The following COL11A1 variants were observed in gnomAD, a reference collection of about 807,000 sequenced individuals.
The protein encoded by COL11A1 is collagen alpha-1(XI) chain.
COL11A1 carries 74 observed loss-of-function variants against 265.2 expected under a neutral mutation model. That is an observed-to-expected ratio of 0.28 (90% CI 0.23 to 0.34). The LOEUF (loss-of-function observed/expected upper bound fraction) is 0.34, where lower values mean the gene tolerates loss of function less well. Among genes scored for constraint, COL11A1 ranks in the 10% least tolerant of loss-of-function variants. The probability of loss-of-function intolerance (pLI) is 1.00; values close to 1 mark genes in which losing one functional copy is unlikely to be tolerated. For synonymous variants in COL11A1, 816 were observed against 727.6 expected (o/e 1.12, Z -1.96); for missense variants, 2,165 against 2,263.6 (o/e 0.96, Z 0.88).
Position 102,877,180 on chromosome 1 carries a change from A to G in COL11A1, c.*839T>C, listed in dbSNP as rs1396227168. On this transcript the variant is annotated 3_prime_UTR_variant, in exon 67 of 67. Transcript: ENST00000370096. ...TTTGTTAATATACTTTCTTACACAC[A>G]TTTCCCTGTCCAAAAATATAAACTT... 1.3e-5 allele frequency: 2 copies of G among 152,556 alleles called. No homozygotes were observed. Among genetic ancestry groups the G allele is most frequent in the Non-Finnish European group, 2.9e-5 (2 of 68,010 alleles). 9.5% of individuals were successfully genotyped at this position (152,556 alleles called of 1,614,324 possible).
At chr1:103,088,373 T>C (rs891069499) in intron 1 of COL11A1, among the ~76,000 whole-genome samples, 1 of 152,074 alleles carries the variant, frequency 6.6e-6, no homozygotes, top group Admixed American at 6.5e-5. Context: ...ACTAAATTGG[T>C]TTTTGTAACA....
chr1:102,941,758 T>TA (rs1658746560), intron 42 of COL11A1, among the ~76,000 whole-genome samples: 1 of 152,176 alleles, frequency 6.6e-6, no homozygotes, highest in Non-Finnish European at 1.5e-5. Context: ...CATACACTAT[T>TA]ACATTCCATT....
chr1:102,914,264 G>A lies in COL11A1; in HGVS notation c.3978+88C>T, dbSNP rs546993328. The stretch of plus-strand genomic sequence containing the variant: ...TTTCTGTTTTTGGGAGTTCACTTAG[G>A]TTATTAGATTTTTTTTTCTTTATTA... On this transcript the variant is annotated intron_variant, in intron 52 of 66. Coordinates refer to ENST00000370096, the MANE Select transcript of COL11A1 (RefSeq NM_001854.4). 3.4e-4 allele frequency: 351 copies of A among 1,026,330 alleles called. 1 individual carries two copies. The highest frequency in any genetic ancestry group is 4.7e-4 in the Non-Finnish European group (318 of 675,966). The allele number at this position is 1,026,330 out of a possible 1,614,324, so 63.6% of individuals were successfully genotyped here. A position where few individuals can be genotyped will look rare whatever the true frequency, so the allele number is the denominator to read the frequency against.
At chr1:102,931,576 T>G (rs1214260042) in intron 46 of COL11A1, among the ~76,000 whole-genome samples, 1 of 152,176 alleles carries the variant, frequency 6.6e-6, no homozygotes, top group East Asian at 1.9e-4. Context: ...TCTGTTGATT[T>G]GGGGTAGAGA....
chr1:102,918,017 G>A (rs963709659), intron 49 of COL11A1, among the ~76,000 whole-genome samples: 1 of 151,064 alleles, frequency 6.6e-6, no homozygotes, highest in African/African-American at 2.4e-5. Flanking sequence ...AAGAAAGGTG[G>A]GACAAAATCA....
intron 4 of COL11A1, among the ~76,000 whole-genome samples, chr1:103,058,316 T>G (rs12122632): frequency 0.15 from 22,145 of 152,208 alleles, 1,737 homozygotes; most frequent in Middle Eastern, 0.16. Context: ...AGCTGCGGCA[T>G]AAGAGAATGT....
rs550182858 is a variant in COL11A1 at position 103,077,444 on chromosome 1, T to A, written c.488+1214A>T. 2.0e-4 allele frequency among the ~76,000 whole-genome samples: 30 copies of A among 152,198 alleles called. No individual in the cohort carries two copies. In the South Asian group the frequency reaches 6.2e-3, roughly 32 times the overall value. On this transcript the variant is annotated intron_variant, in intron 3 of 66. Transcript: ENST00000370096. ...TAGATTAAAACCTTAGCATGGAGTTTGCTAACAGTCAAAAAAAGAAACACA... is the reference window on the plus strand; with the variant it reads ...TAGATTAAAACCTTAGCATGGAGTTAGCTAACAGTCAAAAAAAGAAACACA...
chr1:103,098,665 G>A (rs1186068757), intron 1 of COL11A1, among the ~76,000 whole-genome samples: 1 of 151,806 alleles, frequency 6.6e-6, no homozygotes, highest in Non-Finnish European at 1.5e-5. Context: ...TGTATTTCCT[G>A]CTTTCATTAT....
intron 15 of COL11A1, among the ~76,000 whole-genome samples, chr1:103,006,628 C>G (rs1305830947): frequency 6.9e-6 from 1 of 145,222 alleles, no homozygotes; most frequent in Non-Finnish European, 1.5e-5. Flanking sequence ...AGCTCTGCCT[C>G]CCAGGTTCAC....
chr1:102,992,044 A>G (rs1231029424), intron 28 of COL11A1, among the ~76,000 whole-genome samples: 3 of 152,086 alleles, frequency 2.0e-5, no homozygotes, highest in Admixed American at 6.6e-5. Flanking sequence ...ACTGCACTCT[A>G]TGTCTAAAAA....
At chr1:102,889,042 A>T in intron 59 of COL11A1, 123 bp from the exon 60 acceptor site, 1 of 881,846 alleles carries the variant, frequency 1.1e-6, no homozygotes, top group Non-Finnish European at 1.9e-6. Context: ...AAAAATATTT[A>T]TGAATGGCTT....
rs61159892 is a variant in COL11A1, at chr1:102,943,482, C to CACACACAA, written c.3277-3049_3277-3048insTTGTGTGT. 2.3e-3 allele frequency among the ~76,000 whole-genome samples: 273 copies of CACACACAA among 120,978 alleles called. 1 individual carries two copies. The highest frequency in any genetic ancestry group is 6.4e-3 in the African/African-American group (191 of 29,846). The allele number at this position is 120,978 out of a possible 152,430, so 79.4% of individuals were successfully genotyped here. Reference sequence around the variant, plus strand: ...ACACACACACACACACACACACACACACAAACAACCTCATGGACTATTTTT... The same window carrying CACACACAA: ...ACACACACACACACACACACACACACACACACAAACAAACAACCTCATGGACTATTTTT... On this transcript the variant is annotated intron_variant, in intron 42 of 66. Transcript: ENST00000370096.
intron 48 of COL11A1, 137 bp from the exon 49 acceptor site, chr1:102,920,501 G>A (rs1655865014): frequency 1.4e-6 from 1 of 720,884 alleles, no homozygotes. Context: ...GAGACTAAAT[G>A]ATGCTTAATA....
intron 1 of COL11A1, among the ~76,000 whole-genome samples, chr1:103,088,914 T>C (rs1673087876): frequency 6.6e-6 from 1 of 152,096 alleles, no homozygotes; most frequent in African/African-American, 2.4e-5. Context: ...AAAAATCATA[T>C]CTTCATCATG....
intron 54 of COL11A1, among the ~76,000 whole-genome samples, chr1:102,899,347 A>G (rs1339207389): frequency 6.6e-6 from 1 of 152,132 alleles, no homozygotes; most frequent in Non-Finnish European, 1.5e-5. Context: ...AATTTAATAT[A>G]TCTACTTGTA....
At chr1:102,898,470 C>T (rs1652730355) in intron 56 of COL11A1, among the ~76,000 whole-genome samples, 196 bp downstream of exon 56, 1 of 151,742 alleles carries the variant, frequency 6.6e-6, no homozygotes, top group Non-Finnish European at 1.5e-5. Flanking sequence ...GTTAGTGTTT[C>T]ACCATGAACT....
chr1:102,975,703 A>T (rs1399560185), intron 35 of COL11A1, among the ~76,000 whole-genome samples: 2 of 152,160 alleles, frequency 1.3e-5, no homozygotes, highest in Non-Finnish European at 2.9e-5. Flanking sequence ...ATTTAAGAAG[A>T]TTTATGAAAG....
intron 41 of COL11A1, among the ~76,000 whole-genome samples, chr1:102,961,070 A>G (rs987510709): frequency 5.3e-5 from 8 of 152,200 alleles, no homozygotes; most frequent in Admixed American, 2.0e-4. Flanking sequence ...GTGTGAAAGG[A>G]AGTTGAGAGG....
intron 41 of COL11A1, among the ~76,000 whole-genome samples, chr1:102,958,527 C>T (rs911758105): frequency 7.9e-5 from 12 of 152,100 alleles, no homozygotes; most frequent in Admixed American, 3.9e-4. Context: ...AACTAAGGCT[C>T]GCTCAGCACT....
Sources: gnomAD v4.1 joint callset for allele counts (sites outside exome capture counted in the v4.1 genomes callset) on GRCh38, gnomAD v4.1.1 for gene constraint, MANE v1.5 for transcripts, NCBI Gene and HGNC (gene_info 2026-07-23, HGNC 2026-07-21) for gene names.